The following ANKRD34C variants were observed in gnomAD, a reference collection of about 807,000 sequenced individuals.
ANKRD34C encodes ankyrin repeat domain 34C.
For synonymous variants in ANKRD34C, 260 were observed against 253.6 expected, an observed-to-expected ratio of 1.03 and a Z score of -0.24; for missense variants, 563 against 653.0, an observed-to-expected ratio of 0.86 and a Z score of 1.50.
intron 1 of ANKRD34C, among the ~76,000 whole-genome samples, chr15:79,285,663 G>A (rs2058641855): frequency 6.6e-6 from 1 of 152,192 alleles, no homozygotes; most frequent in African/African-American, 2.4e-5. Context: ...ACCTGAATGT[G>A]TGAATCGGGC....
At chr15:79,289,932 T>G (rs775722662) in intron 1 of ANKRD34C, among the ~76,000 whole-genome samples, 14 of 152,232 alleles carry the variant, frequency 9.2e-5, no homozygotes, top group Non-Finnish European at 1.8e-4. Context: ...CATGCACGTG[T>G]GCAAAAGAAA....
At position 79,294,403 on chromosome 15, in the gene ANKRD34C, A is replaced by G. The variant is rs1433452898; in HGVS notation, c.1119A>G (p.Lys373=). The change falls in exon 2 of 2, where the codon AAA becomes AAG. Residue 373 remains lysine (K), a synonymous_variant. Coordinates refer to ENST00000421388, the MANE Select transcript of ANKRD34C (RefSeq NM_001146341.2). ...CTCTCAAAGAGCCTGCATCCCTCAA[A>G]TGGCTGGAAAATGACCTCTATGACT... is the stretch of plus-strand genomic sequence containing the variant. The part of the protein sequence containing the change: ...PSALKEPASL[K]WLENDLYDLD... 1.9e-6 allele frequency: 3 copies of G among 1,551,588 alleles called. No homozygotes were observed. Among genetic ancestry groups the G allele is most frequent in the South Asian group, 2.4e-5 (2 of 84,038 alleles).
chr15:79,295,203 A>G lies in ANKRD34C; in HGVS notation c.*311A>G, dbSNP rs1215982082. ...AGTAGTTTTCTATCAGACAAACAGA[A>G]AAGAATTTAAATCAGGAGGTAGTAT... On this transcript the variant is annotated 3_prime_UTR_variant, in exon 2 of 2. Transcript: ENST00000421388. The G allele has an allele frequency of 3.6e-6, 1 of 276,770 alleles. No individual in the cohort carries two copies. Among genetic ancestry groups the G allele is most frequent in the Non-Finnish European group, 7.2e-6 (1 of 139,324 alleles). The allele number at this position is 276,770 out of a possible 1,614,324, so 17.1% of individuals were successfully genotyped here.
Position 79,293,883 on chromosome 15 carries a change from C to G in ANKRD34C, c.599C>G (p.Ser200Cys). The change falls in exon 2 of 2, where the codon TCT becomes TGT. Residue 200 changes from serine to cysteine, a missense_variant. Coordinates refer to ENST00000421388, the MANE Select transcript of ANKRD34C (RefSeq NM_001146341.2). Reference sequence around the variant, plus strand: ...GAGCTGAAGGCTCTAGGCCTGGACTCTCCACTCACTGAGAAGGAAGATGAC... The same window carrying G: ...GAGCTGAAGGCTCTAGGCCTGGACTGTCCACTCACTGAGAAGGAAGATGAC... ...DIELKALGLD[S>C]PLTEKEDDFF... The G allele has an allele frequency of 6.4e-7, 1 of 1,551,726 alleles. No homozygotes were observed. The highest frequency in any genetic ancestry group is 8.7e-7 in the Non-Finnish European group (1 of 1,146,990).
At position 79,295,013 on chromosome 15, in the gene ANKRD34C, G is replaced by C; in HGVS notation, c.*121G>C. 9.3e-7 allele frequency: 1 copy of C among 1,079,462 alleles called. No individual in the cohort carries two copies. Among genetic ancestry groups the C allele is most frequent in the Non-Finnish European group, 1.3e-6 (1 of 770,726 alleles). The allele number at this position is 1,079,462 out of a possible 1,614,324, so 66.9% of individuals were successfully genotyped here. On this transcript the variant is annotated 3_prime_UTR_variant, in exon 2 of 2. Transcript: ENST00000421388. ...ACTTCAGAAGATATAAAAGCAGGAT[G>C]CTGCTTCACTTCTGAGAATAATCCC...
intron 1 of ANKRD34C, among the ~76,000 whole-genome samples, chr15:79,285,824 T>C (rs964395464): frequency 1.3e-5 from 2 of 152,170 alleles, no homozygotes; most frequent in Non-Finnish European, 2.9e-5. Context: ...TAATATGTAA[T>C]CTTGGTCTAA....
At chr15:79,287,408 G>A (rs1054159423) in intron 1 of ANKRD34C, among the ~76,000 whole-genome samples, 2 of 152,294 alleles carry the variant, frequency 1.3e-5, no homozygotes, top group South Asian at 4.1e-4. Flanking sequence ...TACCATAAAT[G>A]TTTATTACTA....
chr15:79,294,620 G>A lies in ANKRD34C; in HGVS notation c.1336G>A (p.Gly446Ser). 6.4e-7 allele frequency: 1 copy of A among 1,551,694 alleles called. No individual in the cohort carries two copies. Among genetic ancestry groups the A allele is most frequent in the South Asian group, 1.2e-5 (1 of 84,056 alleles). The stretch of plus-strand genomic sequence containing the variant: ...GCCGCCACATCTTCTAGAACGACGA[G>A]GTTCTGGAACTCTGCTCCTTGATCG... ...RRPPHLLERR[G>S]SGTLLLDRIS... Residue 446 changes from glycine (G) to serine (S), a missense_variant, in exon 2 of 2, where the codon GGT (glycine) becomes AGT (serine). Coordinates refer to ENST00000421388, the MANE Select transcript of ANKRD34C (RefSeq NM_001146341.2).
rs8038778 is a variant in ANKRD34C at position 79,294,019 on chromosome 15, T to C, written c.735T>C (p.Pro245=). Reference sequence around the variant, plus strand: ...GTAATCTCAAAAGGGCCCGTTTGCCTCAACTGAAGAGGCTCCAGTCTGAAC... The same window carrying C: ...GTAATCTCAAAAGGGCCCGTTTGCCCCAACTGAAGAGGCTCCAGTCTGAAC... ...KVSNLKRARL[P]QLKRLQSEPW... is the part of the protein sequence containing the mutation. The change falls in exon 2 of 2, where the codon CCT becomes CCC. Residue 245 remains proline (P), a synonymous_variant. Transcript: ENST00000421388. The C allele has an allele frequency of 0.66, 1,016,777 of 1,551,406 alleles. 334,285 individuals are homozygous for C. The highest frequency in any genetic ancestry group is 0.73 in the East Asian group (29,947 of 40,904).
chr15:79,291,597 CACACAGAGAGAG>C lies in ANKRD34C; in HGVS notation c.-44-1642_-44-1631del, dbSNP rs1237306882. ...ACACACACACACACACACACACACACACACAGAGAGAGAGAGAGAGAGAGAGAGAGAGAGATC... is the reference window on the plus strand; with the variant it reads ...ACACACACACACACACACACACACACAGAGAGAGAGAGAGAGAGAGAGATC... On this transcript the variant is annotated intron_variant, in intron 1 of 1. Transcript: ENST00000421388. 3.1e-3 allele frequency among the ~76,000 whole-genome samples: 350 copies of C among 111,604 alleles called. 4 individuals are homozygous for C. The highest frequency in any genetic ancestry group is 0.022 in the East Asian group (74 of 3,330). The allele number at this position is 111,604 out of a possible 152,430, so 73.2% of individuals were successfully genotyped here. A position where few individuals can be genotyped will look rare whatever the true frequency, so the allele number is the denominator to read the frequency against.
In ANKRD34C at chr15:79,295,897, G is replaced by C. The variant is rs1452796465; in HGVS notation, c.*1005G>C. On this transcript the variant is annotated 3_prime_UTR_variant, in exon 2 of 2. Transcript: ENST00000421388. Reference sequence around the variant, plus strand: ...GATGCAAACTGTCATTTCCCCTTCAGTTATGTAAATAATTGAAGAAAAATC... The same window carrying C: ...GATGCAAACTGTCATTTCCCCTTCACTTATGTAAATAATTGAAGAAAAATC... The C allele has an allele frequency of 6.0e-6, 1 of 166,918 alleles. No homozygotes were observed. Among genetic ancestry groups the C allele is most frequent in the African/African-American group, 2.4e-5 (1 of 41,434 alleles). 10.3% of individuals were successfully genotyped at this position (166,918 alleles called of 1,614,324 possible). A position where few individuals can be genotyped will look rare whatever the true frequency, so the allele number is the denominator to read the frequency against.
chr15:79,293,183 T>C, intron 1 of ANKRD34C, 58 bp from the exon 2 acceptor site: 1 of 1,277,954 alleles, frequency 7.8e-7, no homozygotes, highest in Non-Finnish European at 1.1e-6. Flanking sequence ...GTAATAACCA[T>C]GCTGCACAGA....
rs1161377881 is a variant in ANKRD34C at position 79,294,044 on chromosome 15, C to T, written c.760C>T (p.Pro254Ser). Residue 254 changes from proline to serine, a missense_variant, in exon 2 of 2, where the codon CCT becomes TCT. Transcript: ENST00000421388. ...LPQLKRLQSEPWGLIAPSVLA... is the reference protein window; with the variant it reads ...LPQLKRLQSESWGLIAPSVLA... The stretch of plus-strand genomic sequence containing the variant: ...TCAACTGAAGAGGCTCCAGTCTGAA[C>T]CTTGGGGCCTGATAGCGCCCTCGGT... The T allele has an allele frequency of 2.6e-6, 4 of 1,551,538 alleles. No homozygotes were observed. Among genetic ancestry groups the T allele is most frequent in the Non-Finnish European group, 3.5e-6 (4 of 1,147,006 alleles).
In ANKRD34C at chr15:79,294,477, C is replaced by A. The variant is rs1041557475; in HGVS notation, c.1193C>A (p.Ser398Tyr). 1 of 1,551,732 alleles carries A rather than the reference C, an allele frequency of 6.4e-7. No individual in the cohort carries two copies. The highest frequency in any genetic ancestry group is 2.0e-5 in the Admixed American group (1 of 51,006). Residue 398 changes from serine to tyrosine, a missense_variant, in exon 2 of 2, where the codon TCC becomes TAC. By Grantham distance (144) the Ser-to-Tyr change is moderately radical. Transcript: ENST00000421388. ...PDPPNSISLE[S>Y]GKGPLDRKKL... The stretch of plus-strand genomic sequence containing the variant: ...CCTCCCAACTCCATTTCCCTTGAAT[C>A]CGGCAAAGGACCTTTAGATAGAAAG...
chr15:79,286,757 A>C (rs1013915852), intron 1 of ANKRD34C, among the ~76,000 whole-genome samples: 2 of 151,770 alleles, frequency 1.3e-5, no homozygotes, highest in African/African-American at 4.8e-5. Context: ...TGATCATGTC[A>C]CTCTCTTCCT....
chr15:79,290,482 AT>A, intron 1 of ANKRD34C, among the ~76,000 whole-genome samples: 1 of 151,976 alleles, frequency 6.6e-6, no homozygotes. Flanking sequence ...CTCTAATGCA[AT>A]TGCAATCCTC....
chr15:79,283,440 G>T (rs527716704), intron 1 of ANKRD34C, among the ~76,000 whole-genome samples: 2 of 152,266 alleles, frequency 1.3e-5, no homozygotes, highest in African/African-American at 4.8e-5. Context: ...ATGCGTAGGG[G>T]CCTGGATTCT....
intron 1 of ANKRD34C, among the ~76,000 whole-genome samples, chr15:79,291,599 CACAG>C (rs1315675992): frequency 3.6e-4 from 37 of 104,150 alleles, no homozygotes; most frequent in African/African-American, 1.3e-3. Flanking sequence ...CACACACACA[CACAG>C]AGAGAGAGAG....
Position 79,294,170 on chromosome 15 carries a change from C to T in ANKRD34C, c.886C>T (p.Leu296Phe). The stretch of plus-strand genomic sequence containing the variant: ...TATATCCTTCCCTAAAAGGGGGCCC[C>T]TCTCCAGAACCAACAGTATCGATAG... ...SDISFPKRGP[L>F]SRTNSIDSKD... Residue 296 changes from leucine to phenylalanine, a missense_variant, in exon 2 of 2, where the codon CTC (leucine) becomes TTC (phenylalanine). Leu to Phe is a conservative substitution (Grantham distance 22, BLOSUM62 0). Coordinates refer to ENST00000421388, the MANE Select transcript of ANKRD34C (RefSeq NM_001146341.2). 6.4e-7 allele frequency: 1 copy of T among 1,551,598 alleles called. No individual in the cohort carries two copies. Among genetic ancestry groups the T allele is most frequent in the Middle Eastern group, 1.7e-4 (1 of 5,992 alleles).
Sources: allele counts gnomAD v4.1 joint callset (sites outside exome capture counted in the v4.1 genomes callset), GRCh38; gene constraint gnomAD v4.1.1; transcripts MANE v1.5; gene names NCBI Gene and HGNC (gene_info 2026-07-23, HGNC 2026-07-21).